The following PARP4 variants were observed in gnomAD, a reference collection of about 807,000 sequenced individuals.
PARP4 encodes the protein poly(ADP-ribose) polymerase family member 4, also known as protein mono-ADP-ribosyltransferase PARP4.
Under a neutral mutation model 187.7 loss-of-function variants are expected in PARP4, and 120 were observed. That is an observed-to-expected ratio of 0.64 (90% CI 0.55 to 0.74). The LOEUF (loss-of-function observed/expected upper bound fraction) is 0.74, where lower values mean the gene tolerates loss of function less well. PARP4 is among the 30% of genes least tolerant of loss of function. The probability of loss-of-function intolerance (pLI) is 0.00; values close to 1 mark genes in which losing one functional copy is unlikely to be tolerated. For missense variants in PARP4, 1,836 were observed against 2,070.5 expected (o/e 0.89, Z 2.20); for synonymous variants, 654 against 740.9 (o/e 0.88, Z 1.90).
intron 15 of PARP4, 77 bp downstream of exon 15, chr13:24,475,394 TC>T: frequency 7.5e-7 from 1 of 1,331,098 alleles, no homozygotes; most frequent in South Asian, 1.2e-5. Flanking sequence ...TCCCTTCAGT[TC>T]ATGCAACTGC....
At position 24,460,186 on chromosome 13, in the gene PARP4, A is replaced by G. The variant is rs748166446; in HGVS notation, c.2134-50T>C. 9.4e-6 allele frequency: 14 copies of G among 1,495,258 alleles called. No homozygotes were observed. The South Asian group carries it at 1.7e-4, about 18-fold the overall frequency. 92.6% of individuals were successfully genotyped at this position (1,495,258 alleles called of 1,614,324 possible). A position where few individuals can be genotyped will look rare whatever the true frequency, so the allele number is the denominator to read the frequency against. On this transcript the variant is annotated intron_variant, in intron 17 of 33. Transcript: ENST00000381989. ...CTTCCAACTTGAAAGCATACCCATT[A>G]TATGCCAGCTAACTCCACGTACTTC...
chr13:24,460,079 T>A lies in PARP4; in HGVS notation c.2191A>T (p.Ile731Phe). The A allele has an allele frequency of 6.2e-7, 1 of 1,614,050 alleles. No homozygotes were observed. The highest frequency in any genetic ancestry group is 8.5e-7 in the Non-Finnish European group (1 of 1,179,934). The change falls in exon 18 of 34, where the codon ATT becomes TTT. Residue 731 changes from isoleucine (I) to phenylalanine (F), a missense_variant. This residue lies in a region of PARP4 where 1,147 missense variants were observed against 1,214.2 expected (regional missense o/e 0.94). Transcript: ENST00000381989. ...LPPKAKVLIK[I>F]TYITELSILG... ...ATGCTGAGTTCTGTGATGTAGGTAATTTTTATAAGAACCTTAGCCTTAGGG... is the reference window on the plus strand; with the variant it reads ...ATGCTGAGTTCTGTGATGTAGGTAAATTTTATAAGAACCTTAGCCTTAGGG...
chr13:24,489,633 A>C (rs1327906572), intron 10 of PARP4, among the ~76,000 whole-genome samples: 4 of 152,186 alleles, frequency 2.6e-5, no homozygotes, highest in Admixed American at 2.6e-4. Flanking sequence ...TAAAATAAAA[A>C]AACAAAAGAA....
intron 21 of PARP4, among the ~76,000 whole-genome samples, chr13:24,455,694 T>TTCAGCC (rs1871808168): frequency 6.8e-6 from 1 of 146,328 alleles, no homozygotes; most frequent in African/African-American, 2.5e-5. Context: ...CACAGCTCAG[T>TTCAGCC]TCAACCTCAA....
At chr13:24,510,911 C>G (rs1418326383) in intron 1 of PARP4, among the ~76,000 whole-genome samples, 1 of 152,072 alleles carries the variant, frequency 6.6e-6, no homozygotes, top group Non-Finnish European at 1.5e-5. Flanking sequence ...ATCCTTTCAC[C>G]CGGCCTACTT....
intron 32 of PARP4, among the ~76,000 whole-genome samples, chr13:24,430,938 G>A (rs1359330046): frequency 8.7e-3 from 1,157 of 133,378 alleles, no homozygotes; most frequent in Admixed American, 9.8e-3. Flanking sequence ...GGGGGATGAT[G>A]CCAGGGTAAT....
chr13:24,507,750 A>C (rs915415055), intron 1 of PARP4, among the ~76,000 whole-genome samples: 1 of 152,224 alleles, frequency 6.6e-6, no homozygotes, highest in Non-Finnish European at 1.5e-5. Flanking sequence ...ATTGCTTATC[A>C]TGGTTCAAGG....
Position 24,421,064 on chromosome 13 carries a change from T to C in PARP4, c.*55A>G. ...TTCATTATAAGTATCTATTATCATT[T>C]GATTATTTTCTACATAGAAGCATGC... On this transcript the variant is annotated 3_prime_UTR_variant, in exon 34 of 34. Coordinates refer to ENST00000381989, the MANE Select transcript of PARP4 (RefSeq NM_006437.4). 1 of 1,379,244 alleles carries C rather than the reference T, an allele frequency of 7.3e-7. No homozygotes were observed. Among genetic ancestry groups the C allele is most frequent in the Non-Finnish European group, 9.8e-7 (1 of 1,024,606 alleles). 85.4% of individuals were successfully genotyped at this position (1,379,244 alleles called of 1,614,324 possible).
At chr13:24,453,775 T>C in intron 22 of PARP4, 121 bp from the exon 23 acceptor site, 1 of 633,324 alleles carries the variant, frequency 1.6e-6, no homozygotes, top group South Asian at 1.9e-5. Context: ...TATTTATGTG[T>C]GTACCTTTCT....
At chr13:24,425,937 G>C (rs1252617537) in intron 33 of PARP4, among the ~76,000 whole-genome samples, 1 of 152,110 alleles carries the variant, frequency 6.6e-6, no homozygotes, top group Admixed American at 6.6e-5. Context: ...GGTCAACCAA[G>C]GGCCGAATTT....
chr13:24,488,977 T>A (rs1025633563), intron 10 of PARP4, among the ~76,000 whole-genome samples: 1 of 152,246 alleles, frequency 6.6e-6, no homozygotes, highest in Admixed American at 6.5e-5. Flanking sequence ...TGTCAGTGCT[T>A]CATTACTTTT....
chr13:24,455,222 G>GA lies in PARP4; in HGVS notation c.2563-11dup. The GA allele has an allele frequency of 1.3e-6, 2 of 1,567,698 alleles. No individual in the cohort carries two copies. The highest frequency in any genetic ancestry group is 1.7e-6 in the Non-Finnish European group (2 of 1,146,042). ...AGACAAGCATGCAAGCCTGAAAGGA[G>GA]AAAGAAGGTGCTGGACTGGAGCTTC... On this transcript the variant is annotated splice_polypyrimidine_tract_variant and intron_variant, in intron 21 of 33. Transcript: ENST00000381989.
chr13:24,431,489 G>A lies in PARP4; in HGVS notation c.4747-13C>T. The A allele has an allele frequency of 6.7e-7, 1 of 1,503,542 alleles. No homozygotes were observed. The highest frequency in any genetic ancestry group is 9.2e-7 in the Non-Finnish European group (1 of 1,092,762). 93.1% of individuals were successfully genotyped at this position (1,503,542 alleles called of 1,614,324 possible). A position where few individuals can be genotyped will look rare whatever the true frequency, so the allele number is the denominator to read the frequency against. On this transcript the variant is annotated splice_polypyrimidine_tract_variant and intron_variant, in intron 31 of 33. Coordinates refer to ENST00000381989, the MANE Select transcript of PARP4 (RefSeq NM_006437.4). Reference sequence around the variant, plus strand: ...TCCAGAAGCCATCCTACAAAATTAAGGAAACAAAAATAAGTTATGTTATTC... The same window carrying A: ...TCCAGAAGCCATCCTACAAAATTAAAGAAACAAAAATAAGTTATGTTATTC...
intron 32 of PARP4, among the ~76,000 whole-genome samples, chr13:24,428,431 T>C (rs1565985263): frequency 6.6e-6 from 1 of 152,180 alleles, no homozygotes; most frequent in African/African-American, 2.4e-5. Context: ...CGTTGAGAAT[T>C]TTCCCAGTCT....
intron 19 of PARP4, 41 bp downstream of exon 19, chr13:24,459,223 A>G: frequency 1.3e-6 from 2 of 1,588,896 alleles, no homozygotes; most frequent in Non-Finnish European, 1.7e-6. Context: ...CAGAAAACCA[A>G]TATCCATTGA....
Position 24,486,322 on chromosome 13 carries a change from A to C in PARP4, c.1215-17T>G, listed in dbSNP as rs112718859. ...GGGCTCTTACTGTAAGAATTAGAAG[A>C]AAAGCCTTTAGATTACATAATTGGA... On this transcript the variant is annotated splice_polypyrimidine_tract_variant and intron_variant, in intron 10 of 33. Coordinates refer to ENST00000381989, the MANE Select transcript of PARP4 (RefSeq NM_006437.4). The C allele has an allele frequency of 2.6e-6, 4 of 1,531,720 alleles. No homozygotes were observed. The highest frequency in any genetic ancestry group is 3.6e-6 in the Non-Finnish European group (4 of 1,113,414). 94.9% of individuals were successfully genotyped at this position (1,531,720 alleles called of 1,614,324 possible).
chr13:24,500,490 G>A (rs1010392332), intron 3 of PARP4, 108 bp from the exon 4 acceptor site: 7 of 626,004 alleles, frequency 1.1e-5, no homozygotes, highest in Non-Finnish European at 1.9e-5. Flanking sequence ...CCTTAAATTA[G>A]TTATAATTTT....
chr13:24,479,945 A>G (rs1289268792), intron 12 of PARP4, among the ~76,000 whole-genome samples: 1 of 152,082 alleles, frequency 6.6e-6, no homozygotes, highest in Non-Finnish European at 1.5e-5. Context: ...CACCGGGAGG[A>G]ACGAACAACT....
intron 17 of PARP4, among the ~76,000 whole-genome samples, chr13:24,466,932 T>C (rs566640405): frequency 6.6e-6 from 1 of 151,296 alleles, no homozygotes; most frequent in East Asian, 2.0e-4. Flanking sequence ...AGAAAACAAC[T>C]AGCAAGAGGG....
Sources: allele counts gnomAD v4.1 joint callset (sites outside exome capture counted in the v4.1 genomes callset), GRCh38; gene constraint gnomAD v4.1.1; regional missense constraint gnomAD v4.1.1; transcripts MANE v1.5; gene names NCBI Gene and HGNC (gene_info 2026-07-23, HGNC 2026-07-21).